Variants in TMEM269 observed in about 807,000 individuals in gnomAD.
TMEM269 encodes transmembrane protein 269.
In TMEM269, 12 loss-of-function variants were observed where a neutral mutation model predicts 15.8. The ratio of observed to expected loss-of-function variants is 0.76; its 90% CI spans 0.49 to 1.23. TMEM269 has a LOEUF of 1.23. Ranked by LOEUF, TMEM269 falls within the 50% of genes most tolerant of loss-of-function variation. The pLI is 0.00. For synonymous variants in TMEM269, 93 were observed against 99.3 expected, an observed-to-expected ratio of 0.94 and a Z score of 0.38; for missense variants, 211 against 245.4, an observed-to-expected ratio of 0.86 and a Z score of 0.94.
intron 2 of TMEM269, among the ~76,000 whole-genome samples, chr1:42,792,409 T>G (rs1653709156): frequency 6.6e-6 from 1 of 152,114 alleles, no homozygotes; most frequent in African/African-American, 2.4e-5. Context: ...GGAACAGGCC[T>G]AGAGATGGGG....
At chr1:42,790,075 A>G (rs1653656013) in intron 2 of TMEM269, 141 bp downstream of exon 2, 1 of 639,644 alleles carries the variant, frequency 1.6e-6, no homozygotes, top group Non-Finnish European at 2.8e-6. Flanking sequence ...TTAGGAGTCA[A>G]GAGGCCAAGA....
At chr1:42,789,987 C>T (rs1356272453) in intron 2 of TMEM269, 53 bp downstream of exon 2, 63 of 1,343,376 alleles carry the variant, frequency 4.7e-5, no homozygotes, top group Non-Finnish European at 6.4e-5. Flanking sequence ...CAATGGCATG[C>T]GGGAAGGAGA....
At position 42,797,768 on chromosome 1, in the gene TMEM269, A is replaced by AT. The variant is rs987622781; in HGVS notation, c.485-321dup. 105 of 498,384 alleles carry AT rather than the reference A, an allele frequency of 2.1e-4. No individual in the cohort carries two copies. The highest frequency in any genetic ancestry group is 3.6e-4 in the East Asian group (6 of 16,652). 30.9% of individuals were successfully genotyped at this position (498,384 alleles called of 1,614,324 possible). Reference sequence around the variant, plus strand: ...TGTTAAATTTAAAACAATGAGGAAGATTTTTTTTTCCTAACAAGGGTTTTT... The same window carrying AT: ...TGTTAAATTTAAAACAATGAGGAAGATTTTTTTTTTCCTAACAAGGGTTTTT... On this transcript the variant is annotated intron_variant, in intron 5 of 5. Coordinates refer to ENST00000637012, the MANE Select transcript of TMEM269 (RefSeq NM_001354602.2). This position sits in a 1 kb window ranked among gnomAD's most constrained non-coding sequence, Gnocchi z 4.9.
At chr1:42,791,982 A>T (rs1258331401) in intron 2 of TMEM269, among the ~76,000 whole-genome samples, 1 of 152,256 alleles carries the variant, frequency 6.6e-6, no homozygotes, top group Non-Finnish European at 1.5e-5. Flanking sequence ...AGCCTGGGCA[A>T]CAGAGGGACT....
In TMEM269 at chr1:42,800,792, G is replaced by T. The variant is rs1356573749; in HGVS notation, c.*2567G>T. The stretch of plus-strand genomic sequence containing the variant: ...GAATAATGAATGGCACGTAAAATAT[G>T]TTAAATAAATGTTAGATGGCTTTCT... On this transcript the variant is annotated 3_prime_UTR_variant, in exon 6 of 6. Coordinates refer to ENST00000637012, the MANE Select transcript of TMEM269 (RefSeq NM_001354602.2). 2 of 151,798 alleles carry T rather than the reference G, an allele frequency of 1.3e-5. No individual in the cohort carries two copies. The highest frequency in any genetic ancestry group is 2.9e-5 in the Non-Finnish European group (2 of 68,000). The allele number at this position is 151,798 out of a possible 1,614,324, so 9.4% of individuals were successfully genotyped here.
intron 4 of TMEM269, 40 bp from the exon 5 acceptor site, chr1:42,794,373 G>A (rs1404760283): frequency 2.0e-6 from 3 of 1,476,684 alleles, no homozygotes; most frequent in Admixed American, 3.9e-5. Context: ...TATCTTTAGA[G>A]CAGAGGGAAG....
chr1:42,794,296 G>A (rs1653752429), intron 4 of TMEM269, 117 bp from the exon 5 acceptor site: 2 of 716,380 alleles, frequency 2.8e-6, no homozygotes, highest in African/African-American at 3.6e-5. Context: ...ACTGCCTTTG[G>A]GTTTAAGGGA....
intron 1 of TMEM269, among the ~76,000 whole-genome samples, chr1:42,787,116 C>A (rs922642119): frequency 3.4e-4 from 52 of 152,328 alleles, no homozygotes; most frequent in African/African-American, 1.2e-3. Flanking sequence ...AAGGTTTCTA[C>A]CAGCACCCAG....
Position 42,798,910 on chromosome 1 carries a change from A to C in TMEM269, c.*685A>C, listed in dbSNP as rs886428623. Reference sequence around the variant, plus strand: ...AGGCTCCCGCCACCTCGCCCGGCTAATTTTTTGTATTTTTAGTAGAGACGG... The same window carrying C: ...AGGCTCCCGCCACCTCGCCCGGCTACTTTTTTGTATTTTTAGTAGAGACGG... On this transcript the variant is annotated 3_prime_UTR_variant, in exon 6 of 6. Coordinates refer to ENST00000637012, the MANE Select transcript of TMEM269 (RefSeq NM_001354602.2). The C allele has an allele frequency of 1.3e-5, 2 of 151,378 alleles. No homozygotes were observed. Among genetic ancestry groups the C allele is most frequent in the Non-Finnish European group, 1.5e-5 (1 of 67,864 alleles). 9.4% of individuals were successfully genotyped at this position (151,378 alleles called of 1,614,324 possible).
At position 42,799,502 on chromosome 1, in the gene TMEM269, C is replaced by T. The variant is rs907758222; in HGVS notation, c.*1277C>T. ...TAAGATTTGACTGTAACAGAATAGA[C>T]GGTGCCTTCCTGTTAAATCATTCAT... On this transcript the variant is annotated 3_prime_UTR_variant, in exon 6 of 6. Transcript: ENST00000637012. 2.6e-5 allele frequency: 4 copies of T among 152,172 alleles called. No homozygotes were observed. The highest frequency in any genetic ancestry group is 9.7e-5 in the African/African-American group (4 of 41,434). 9.4% of individuals were successfully genotyped at this position (152,172 alleles called of 1,614,324 possible).
chr1:42,791,063 C>A (rs1653677335), intron 2 of TMEM269, among the ~76,000 whole-genome samples: 1 of 152,096 alleles, frequency 6.6e-6, no homozygotes, highest in Non-Finnish European at 1.5e-5. Flanking sequence ...TGAAAGAGCT[C>A]ATGGAAATCA....
chr1:42,789,751 C>T, intron 1 of TMEM269, 45 bp from the exon 2 acceptor site: 1 of 1,097,510 alleles, frequency 9.1e-7, no homozygotes. Context: ...TCTTCTGGGA[C>T]TCCTTAACCT....
intron 5 of TMEM269, chr1:42,796,486 G>A (rs1273422766): frequency 1.3e-5 from 2 of 151,802 alleles, no homozygotes; most frequent in African/African-American, 2.4e-5. Flanking sequence ...ACAGAGCTTC[G>A]TACGTCTGAG....
At chr1:42,791,424 T>G (rs1352041995) in intron 2 of TMEM269, among the ~76,000 whole-genome samples, 1 of 152,006 alleles carries the variant, frequency 6.6e-6, no homozygotes, top group African/African-American at 2.4e-5. Flanking sequence ...AGCTGAAAAA[T>G]CCTGAAATAT....
At chr1:42,785,502 C>T (rs1653524808) in intron 1 of TMEM269, among the ~76,000 whole-genome samples, 1 of 152,238 alleles carries the variant, frequency 6.6e-6, no homozygotes, top group Non-Finnish European at 1.5e-5. Flanking sequence ...CACGTCCACC[C>T]TCCTCGCCCC....
At chr1:42,794,259 T>C (rs1176604430) in intron 4 of TMEM269, among the ~76,000 whole-genome samples, 154 bp from the exon 5 acceptor site, 1 of 152,172 alleles carries the variant, frequency 6.6e-6, no homozygotes, top group Non-Finnish European at 1.5e-5. Context: ...TGCATCATCT[T>C]TGTGAATAAA....
rs775774902 is a variant in TMEM269, at chr1:42,794,430, A to G, written c.301A>G (p.Lys101Glu). The G allele has an allele frequency of 1.7e-5, 26 of 1,550,382 alleles. No homozygotes were observed. The African/African-American group carries it at 3.6e-4, about 21-fold the overall frequency. Residue 101 changes from lysine (K) to glutamate (E), a missense_variant, in exon 5 of 6, where the codon AAG (lysine) becomes GAG (glutamate). Transcript: ENST00000637012. ...FYSPGVPSTY[K>E]GLPCPYASCI... is the part of the protein sequence containing the mutation. ...CCTGGCAGGAGTCCCCTCCACATAC[A>G]AGGGTCTACCCTGCCCCTATGCTTC...
chr1:42,788,990 C>T lies in TMEM269; in HGVS notation c.-98-806C>T, dbSNP rs1273655163. Among the ~76,000 whole-genome samples, 1 of 148,798 alleles carries T rather than the reference C, an allele frequency of 6.7e-6. No individual in the cohort carries two copies. Among genetic ancestry groups the T allele is most frequent in the Admixed American group, 6.7e-5 (1 of 14,832 alleles). On this transcript the variant is annotated intron_variant, in intron 1 of 5. Transcript: ENST00000637012. The surrounding 1 kb of genome is among the most constrained non-coding windows in gnomAD (Gnocchi z 4.0). ...AGGCTGGAGTGCAGTGGTGTGATCT[C>T]GGCTCACTGCAACCTCTGCCTCCTA...
At position 42,798,735 on chromosome 1, in the gene TMEM269, T is replaced by G. The variant is rs1309917479; in HGVS notation, c.*510T>G. 1.6e-5 allele frequency: 2 copies of G among 125,414 alleles called. No individual in the cohort carries two copies. Among genetic ancestry groups the G allele is most frequent in the South Asian group, 3.0e-4 (1 of 3,346 alleles). 7.8% of individuals were successfully genotyped at this position (125,414 alleles called of 1,614,324 possible). A position where few individuals can be genotyped will look rare whatever the true frequency, so the allele number is the denominator to read the frequency against. On this transcript the variant is annotated 3_prime_UTR_variant, in exon 6 of 6. Transcript: ENST00000637012. ...TTTTGTAACTTCAACATTCTGGGTT[T>G]TTTTTTTTTTTTTTTTTTTTTTTTT...
Sources: allele counts gnomAD v4.1 joint callset (sites outside exome capture counted in the v4.1 genomes callset), GRCh38; gene constraint gnomAD v4.1.1; non-coding constraint Gnocchi (gnomAD v3.1); transcripts MANE v1.5; gene names NCBI Gene and HGNC (gene_info 2026-07-23, HGNC 2026-07-21).